GRID1: variants seen among roughly 807,000 people sequenced by gnomAD.
The protein encoded by GRID1 is glutamate receptor ionotropic, delta-1.
A neutral mutation model predicts 98.0 loss-of-function variants in GRID1; 28 were observed. The ratio of observed to expected loss-of-function variants is 0.29; its 90% confidence interval spans 0.21 to 0.39. The LOEUF (loss-of-function observed/expected upper bound fraction) is 0.39, where lower values mean the gene tolerates loss of function less well. Among genes scored for constraint, GRID1 ranks in the 10% least tolerant of loss-of-function variants. GRID1 has a pLI of 1.00. For synonymous variants in GRID1, 553 were observed against 538.5 expected (o/e 1.03, Z -0.37); for missense variants, 1,111 against 1,340.5 (o/e 0.83, Z 2.67).
chr10:85,901,689 C>G (rs1841391270), intron 5 of GRID1, among the ~76,000 whole-genome samples: 1 of 152,092 alleles, frequency 6.6e-6, no homozygotes, highest in Non-Finnish European at 1.5e-5. Context: ...CAGAAGTGGT[C>G]AGTATTGCAG....
chr10:85,901,549 T>C (rs1841390071), intron 5 of GRID1, among the ~76,000 whole-genome samples: 1 of 152,230 alleles, frequency 6.6e-6, no homozygotes, highest in African/African-American at 2.4e-5. Flanking sequence ...GCTGTCTGCC[T>C]GACACTGTGT....
chr10:85,618,025 C>T (rs1277152083), intron 14 of GRID1, among the ~76,000 whole-genome samples: 1 of 152,224 alleles, frequency 6.6e-6, no homozygotes, highest in Non-Finnish European at 1.5e-5. Flanking sequence ...CCCCACTCAT[C>T]TCCACCTTCT....
chr10:86,104,095 C>T (rs1201968148), intron 4 of GRID1, among the ~76,000 whole-genome samples: 6 of 152,160 alleles, frequency 3.9e-5, no homozygotes, highest in Admixed American at 2.0e-4. Context: ...AGGTAGGTGC[C>T]TTATCCCACG....
intron 4 of GRID1, among the ~76,000 whole-genome samples, chr10:85,990,860 A>G (rs868666983): frequency 6.6e-6 from 1 of 151,348 alleles, no homozygotes; most frequent in African/African-American, 2.4e-5. Flanking sequence ...TAAAAATATA[A>G]AGACTTTTTT....
At chr10:86,214,576 A>T (rs887882778) in intron 2 of GRID1, among the ~76,000 whole-genome samples, 1 of 152,220 alleles carries the variant, frequency 6.6e-6, no homozygotes, top group Non-Finnish European at 1.5e-5. Context: ...CAGCAGAGCA[A>T]GAAACTATGT....
chr10:86,120,117 G>A (rs1010136943), intron 4 of GRID1, among the ~76,000 whole-genome samples: 1 of 152,078 alleles, frequency 6.6e-6, no homozygotes, highest in Non-Finnish European at 1.5e-5. Context: ...CTGTTTTAAG[G>A]ACTGATTCTA....
intron 8 of GRID1, among the ~76,000 whole-genome samples, chr10:85,831,336 T>C (rs753198488): frequency 6.6e-6 from 1 of 152,080 alleles, no homozygotes; most frequent in Non-Finnish European, 1.5e-5. Flanking sequence ...TCAGGTACTA[T>C]GCTAATTACC....
At chr10:85,917,145 C>T (rs1044857817) in intron 4 of GRID1, among the ~76,000 whole-genome samples, 5 of 152,146 alleles carry the variant, frequency 3.3e-5, no homozygotes, top group African/African-American at 4.8e-5. Flanking sequence ...CTGATGGTTT[C>T]CAAGCATGTC....
At chr10:85,662,106 T>C (rs533927218) in intron 12 of GRID1, among the ~76,000 whole-genome samples, 15 of 152,326 alleles carry the variant, frequency 9.8e-5, no homozygotes, top group South Asian at 8.3e-4. Context: ...GACCAGGCTG[T>C]ACCTGAATCT....
rs542141911 is a variant in GRID1, at chr10:86,348,393, G to A, written c.235+15548C>T. Among the ~76,000 whole-genome samples the A allele has an allele frequency of 7.2e-5, 11 of 152,348 alleles. No homozygotes were observed. The South Asian group carries it at 1.9e-3, about 26-fold the overall frequency. On this transcript the variant is annotated intron_variant, in intron 2 of 15. Transcript: ENST00000327946. ...GGCCAGGAAAGGCCTCCTGAAGAGC[G>A]TACAGAACTGAGACTGGGATGAGAC...
chr10:85,691,621 C>A (rs1262046981), intron 12 of GRID1, among the ~76,000 whole-genome samples: 1 of 152,184 alleles, frequency 6.6e-6, no homozygotes, highest in African/African-American at 2.4e-5. Flanking sequence ...GAAGAATTAA[C>A]TAACTACCAA....
intron 4 of GRID1, among the ~76,000 whole-genome samples, chr10:85,927,420 C>T (rs1841789570): frequency 6.6e-6 from 1 of 151,956 alleles, no homozygotes; most frequent in Admixed American, 6.6e-5. Flanking sequence ...TTCTGCCAGG[C>T]AGCAGAGCCT....
At position 85,616,458 on chromosome 10, in the gene GRID1, G is replaced by A. The variant is rs1842790091; in HGVS notation, c.2361-2811C>T. On this transcript the variant is annotated intron_variant, in intron 14 of 15. Transcript: ENST00000327946. ...AGGCTCTGGCCAGATGGTGGTTGTGGGGTCAGATCCCCACTCCTCCGCTCA... is the reference window on the plus strand; with the variant it reads ...AGGCTCTGGCCAGATGGTGGTTGTGAGGTCAGATCCCCACTCCTCCGCTCA... Among the ~76,000 whole-genome samples, 3 of 152,248 alleles carry A rather than the reference G, an allele frequency of 2.0e-5. No individual in the cohort carries two copies. In the South Asian group the frequency reaches 6.2e-4, roughly 32 times the overall value.
At chr10:85,752,004 T>A (rs6585977) in intron 8 of GRID1, among the ~76,000 whole-genome samples, 30,938 of 152,082 alleles carry the variant, frequency 0.2, 3,427 homozygotes, top group Middle Eastern at 0.28. Context: ...ACTAGTCAGG[T>A]TAGAGCCACA....
At position 86,186,409 on chromosome 10, in the gene GRID1, C is replaced by T. The variant is rs1845725930; in HGVS notation, c.520+19955G>A. ...TCTACTGTTTTTCTGATTTCCACTT[C>T]ATCATTTTCCACTCTAATCTTCATT... On this transcript the variant is annotated intron_variant, in intron 3 of 15. Transcript: ENST00000327946. Among the ~76,000 whole-genome samples the T allele has an allele frequency of 2.0e-5, 3 of 152,212 alleles. No individual in the cohort carries two copies. The South Asian group carries it at 6.2e-4, about 31-fold the overall frequency.
At chr10:86,340,176 C>G (rs561055908) in intron 2 of GRID1, among the ~76,000 whole-genome samples, 1 of 152,124 alleles carries the variant, frequency 6.6e-6, no homozygotes, top group South Asian at 2.1e-4. Flanking sequence ...CCAGGAGTTG[C>G]TGAGCAAGGA....
chr10:85,936,612 T>C (rs964308927), intron 4 of GRID1, among the ~76,000 whole-genome samples: 1 of 152,306 alleles, frequency 6.6e-6, no homozygotes, highest in African/African-American at 2.4e-5. Context: ...ATGCATTCTA[T>C]CCAGTTCTGT....
At chr10:85,756,494 A>C (rs1209611131) in intron 8 of GRID1, among the ~76,000 whole-genome samples, 1 of 152,170 alleles carries the variant, frequency 6.6e-6, no homozygotes, top group Admixed American at 6.5e-5. Flanking sequence ...TAAGACAGAC[A>C]ATCTGATAAC....
Position 86,083,453 on chromosome 10 carries a change from G to A in GRID1, c.726+55366C>T, listed in dbSNP as rs144082075. ...ATGTGACACACAGTTGGTCTCAACCGCAGCCAGTGAATTTCGCTCCTCGCT... is the reference window on the plus strand; with the variant it reads ...ATGTGACACACAGTTGGTCTCAACCACAGCCAGTGAATTTCGCTCCTCGCT... On this transcript the variant is annotated intron_variant, in intron 4 of 15. Coordinates refer to ENST00000327946, the MANE Select transcript of GRID1 (RefSeq NM_017551.3). Among the ~76,000 whole-genome samples, 56 of 152,320 alleles carry A rather than the reference G, an allele frequency of 3.7e-4. 1 individual carries two copies. The highest frequency in any genetic ancestry group is 1.2e-3 in the African/African-American group (50 of 41,570).
Sources: allele counts gnomAD v4.1 joint callset (sites outside exome capture counted in the v4.1 genomes callset), GRCh38; gene constraint gnomAD v4.1.1; transcripts MANE v1.5; gene names NCBI Gene and HGNC (gene_info 2026-07-23, HGNC 2026-07-21).